The following SQLE variants were observed in gnomAD, a reference collection of about 807,000 sequenced individuals.
SQLE encodes squalene monooxygenase.
Under a neutral mutation model 60.7 loss-of-function variants are expected in SQLE, and 29 were observed. That is an observed-to-expected ratio of 0.48 (90% CI 0.36 to 0.65). The LOEUF (loss-of-function observed/expected upper bound fraction) is 0.65, where lower values mean the gene tolerates loss of function less well. Ranked by LOEUF, SQLE falls within the 30% of genes least tolerant of loss-of-function variation. The probability of loss-of-function intolerance (pLI) is 0.00; values close to 1 mark genes in which losing one functional copy is unlikely to be tolerated. For missense variants in SQLE, 605 were observed against 684.1 expected, an observed-to-expected ratio of 0.88 and a Z score of 1.29; for synonymous variants, 237 against 246.8, an observed-to-expected ratio of 0.96 and a Z score of 0.37.
In SQLE at chr8:125,018,181, G is replaced by C; in HGVS notation, c.1327G>C (p.Asp443His). 6 of 1,605,220 alleles carry C rather than the reference G, an allele frequency of 3.7e-6. No individual in the cohort carries two copies. Among genetic ancestry groups the C allele is most frequent in the Non-Finnish European group, 5.1e-6 (6 of 1,177,854 alleles). The change falls in exon 8 of 11, where the codon GAT becomes CAT. Residue 443 changes from aspartate (D) to histidine (H), a missense_variant. Coordinates refer to ENST00000265896, the MANE Select transcript of SQLE (RefSeq NM_003129.4). ...KLLKGIPDLY[D>H]DAAIFEAKKS... ...GCTAAAGGGTATCCCTGACCTTTAT[G>C]ATGATGCAGCTATTTTCGAGGTAAG... is the stretch of plus-strand genomic sequence containing the variant.
intron 10 of SQLE, 126 bp downstream of exon 10, chr8:125,020,997 G>A: frequency 1.5e-6 from 1 of 669,834 alleles, no homozygotes; most frequent in South Asian, 1.8e-5. Context: ...GTATCCCAAT[G>A]AGAAGGTGGC....
chr8:125,001,436 G>GCT (rs1407921773), intron 1 of SQLE, among the ~76,000 whole-genome samples: 2 of 148,258 alleles, frequency 1.3e-5, no homozygotes, highest in Non-Finnish European at 3.0e-5. Flanking sequence ...TTCCTCCAGA[G>GCT]CTCTCCTTTC....
In SQLE at chr8:124,999,494, T is replaced by C; in HGVS notation, c.91T>C (p.Cys31Arg). The C allele has an allele frequency of 1.2e-6, 2 of 1,603,966 alleles. No individual in the cohort carries two copies. The highest frequency in any genetic ancestry group is 2.2e-5 in the East Asian group (1 of 44,550). ...TTTGGCCAACAGGGAGGTCCTGTTG[T>C]GCGTGCTGGTGTTCCTCTCGCTGGG... The part of the protein sequence containing the change: ...ITLANREVLL[C>R]VLVFLSLGLV... The change falls in exon 1 of 11, where the codon TGC becomes CGC. Residue 31 changes from cysteine to arginine, a missense_variant. By Grantham distance (180) the Cys-to-Arg change is radical (BLOSUM62 -3). Transcript: ENST00000265896.
At chr8:125,001,449 G>GGTGTGTGTGTGTGTGT (rs57946751) in intron 1 of SQLE, among the ~76,000 whole-genome samples, 39 of 137,016 alleles carry the variant, frequency 2.8e-4, no homozygotes, top group South Asian at 2.2e-3. Flanking sequence ...CTCCTTTCAG[G>GGTGTGTGTGTGTGTGT]GTGTGTGTGT....
At chr8:125,000,778 A>G (rs1814831678) in intron 1 of SQLE, among the ~76,000 whole-genome samples, 1 of 152,160 alleles carries the variant, frequency 6.6e-6, no homozygotes, top group South Asian at 2.1e-4. Flanking sequence ...TAAAAAGAAC[A>G]TTGCAGTTGC....
chr8:125,010,818 A>G (rs149456715), intron 6 of SQLE: 1 of 151,580 alleles, frequency 6.6e-6, no homozygotes, highest in African/African-American at 2.4e-5. Context: ...ATTGGAGTAG[A>G]GTGCCCTGAA....
In SQLE at chr8:124,999,324, C is replaced by T. The variant is rs1814801798; in HGVS notation, c.-80C>T. ...CGGCTCTCCGTGCTCCTCTTGGTAC[C>T]TCATTTTGGGGAGAACCTTAAACCC... On this transcript the variant is annotated 5_prime_UTR_variant, in exon 1 of 11. Transcript: ENST00000265896. 2 of 1,376,384 alleles carry T rather than the reference C, an allele frequency of 1.5e-6. No individual in the cohort carries two copies. Among genetic ancestry groups the T allele is most frequent in the South Asian group, 1.9e-5 (1 of 52,796 alleles). 85.3% of individuals were successfully genotyped at this position (1,376,384 alleles called of 1,614,324 possible).
In SQLE at chr8:124,999,575, C is replaced by G. The variant is rs1563594425; in HGVS notation, c.172C>G (p.Gln58Glu). ...AAACGGGGGTCTCCTCGGGCGCCAG[C>G]AGAGCGGCTCCCAGTTCGCCCTCTT... is the stretch of plus-strand genomic sequence containing the variant. ...HRNGGLLGRQ[Q>E]SGSQFALFSD... is the part of the protein sequence containing the mutation. Residue 58 changes from glutamine (Q) to glutamate (E), a missense_variant, in exon 1 of 11, where the codon CAG becomes GAG. Physicochemically the swap from Gln to Glu is conservative, Grantham distance 29 (BLOSUM62 2). Transcript: ENST00000265896. 1.2e-6 allele frequency: 2 copies of G among 1,613,536 alleles called. No individual in the cohort carries two copies. Among genetic ancestry groups the G allele is most frequent in the Non-Finnish European group, 1.7e-6 (2 of 1,179,706 alleles).
At chr8:125,006,830 G>C (rs1234168152) in intron 3 of SQLE, among the ~76,000 whole-genome samples, 1 of 151,174 alleles carries the variant, frequency 6.6e-6, no homozygotes, top group South Asian at 2.1e-4. Context: ...TCAGCCTCCC[G>C]AGTAGCTGGG....
At position 125,009,088 on chromosome 8, in the gene SQLE, C is replaced by T. The variant is rs1180996952; in HGVS notation, c.936+4C>T. 1.3e-6 allele frequency: 2 copies of T among 1,587,594 alleles called. No individual in the cohort carries two copies. Among genetic ancestry groups the T allele is most frequent in the African/African-American group, 2.7e-5 (2 of 73,450 alleles). ...TTTTGTTGGCTTTCTTATGAAGGTA[C>T]TGTAGGAGTGTGTTATTGTAATTTC... On this transcript the variant is annotated splice_donor_region_variant and intron_variant, in intron 5 of 10. Coordinates refer to ENST00000265896, the MANE Select transcript of SQLE (RefSeq NM_003129.4).
Position 125,018,723 on chromosome 8 carries a change from A to G in SQLE, c.1440A>G (p.Thr480=), listed in dbSNP as rs763334812. The G allele has an allele frequency of 2.5e-6, 4 of 1,595,508 alleles. No homozygotes were observed. In the South Asian group the frequency reaches 4.6e-5, roughly 18 times the overall value. The part of the protein sequence containing the change: ...AQALYELFSA[T]DDSLHQLRKA... ...CTCTTTATGAATTATTTTCTGCCAC[A>G]GATGGTAAGTGTAGACACTTTTTAG... Residue 480 remains threonine, a synonymous_variant, in exon 9 of 11, where the codon ACA becomes ACG. Coordinates refer to ENST00000265896, the MANE Select transcript of SQLE (RefSeq NM_003129.4).
Position 124,999,547 on chromosome 8 carries a change from C to T in SQLE, c.144C>T (p.His48=). ...LGLVLSYRCR[H]RNGGLLGRQQ... Reference sequence around the variant, plus strand: ...TGGTGCTCTCCTACCGCTGTCGCCACCGAAACGGGGGTCTCCTCGGGCGCC... The same window carrying T: ...TGGTGCTCTCCTACCGCTGTCGCCATCGAAACGGGGGTCTCCTCGGGCGCC... The change falls in exon 1 of 11, where the codon CAC becomes CAT. Residue 48 remains histidine, a synonymous_variant. Transcript: ENST00000265896. The T allele has an allele frequency of 6.2e-7, 1 of 1,613,300 alleles. No individual in the cohort carries two copies. Among genetic ancestry groups the T allele is most frequent in the East Asian group, 2.2e-5 (1 of 44,846 alleles).
Position 124,998,633 on chromosome 8 carries a change from G to A in SQLE, c.-771G>A, listed in dbSNP as rs1283503581. On this transcript the variant is annotated 5_prime_UTR_variant, in exon 1 of 11. Coordinates refer to ENST00000265896, the MANE Select transcript of SQLE (RefSeq NM_003129.4). The stretch of plus-strand genomic sequence containing the variant: ...GAGGAAGCCGTCGGGAGCCGCCGCC[G>A]CCATCTGAGGGAGGTACCCTGGAAA... The A allele has an allele frequency of 2.9e-6, 2 of 680,158 alleles. No homozygotes were observed. Among genetic ancestry groups the A allele is most frequent in the Non-Finnish European group, 5.3e-6 (2 of 374,334 alleles). The allele number at this position is 680,158 out of a possible 1,614,324, so 42.1% of individuals were successfully genotyped here. A position where few individuals can be genotyped will look rare whatever the true frequency, so the allele number is the denominator to read the frequency against.
At position 125,003,224 on chromosome 8, in the gene SQLE, G is replaced by T; in HGVS notation, c.340G>T (p.Ala114Ser). 6.2e-7 allele frequency: 1 copy of T among 1,613,790 alleles called. No homozygotes were observed. Among genetic ancestry groups the T allele is most frequent in the African/African-American group, 1.3e-5 (1 of 74,974 alleles). ...ISETSLIGTAACTSTSSQNDP... is the reference protein window; with the variant it reads ...ISETSLIGTASCTSTSSQNDP... ...AGAAACAAGCTTAATAGGAACAGCT[G>T]CCTGTACATCAACATCTTCTCAGAA... The change falls in exon 2 of 11, where the codon GCC becomes TCC. Residue 114 changes from alanine (A) to serine (S), a missense_variant. By Grantham distance (99) the Ala-to-Ser change is moderately conservative. Coordinates refer to ENST00000265896, the MANE Select transcript of SQLE (RefSeq NM_003129.4).
At chr8:125,003,482 A>G in intron 2 of SQLE, 54 bp downstream of exon 2, 1 of 1,577,760 alleles carries the variant, frequency 6.3e-7, no homozygotes, top group Admixed American at 1.8e-5. Flanking sequence ...AGCACTCTTC[A>G]CTTAGACCAT....
rs957746353 is a variant in SQLE, at chr8:124,998,872, C to A, written c.-532C>A. On this transcript the variant is annotated 5_prime_UTR_variant, in exon 1 of 11. Coordinates refer to ENST00000265896, the MANE Select transcript of SQLE (RefSeq NM_003129.4). The stretch of plus-strand genomic sequence containing the variant: ...GTCCGCGGAAAAAGAAGCCTCTGAA[C>A]CCGCGCCGGCCCGCAGCCCCCGTGC... 217 of 389,210 alleles carry A rather than the reference C, an allele frequency of 5.6e-4. No homozygotes were observed. Among genetic ancestry groups the A allele is most frequent in the African/African-American group, 4.2e-3 (202 of 48,222 alleles). The allele number at this position is 389,210 out of a possible 1,614,324, so 24.1% of individuals were successfully genotyped here.
intron 6 of SQLE, among the ~76,000 whole-genome samples, chr8:125,009,777 G>A (rs1815011999): frequency 6.6e-6 from 1 of 150,712 alleles, no homozygotes; most frequent in South Asian, 2.1e-4. Flanking sequence ...TGGGCAACAA[G>A]AGCGAAACTC....
chr8:125,003,175 G>A lies in SQLE; in HGVS notation c.292-1G>A. 1 of 1,593,084 alleles carries A rather than the reference G, an allele frequency of 6.3e-7. No individual in the cohort carries two copies. Among genetic ancestry groups the A allele is most frequent in the Non-Finnish European group, 8.5e-7 (1 of 1,171,968 alleles). On this transcript the variant is annotated splice_acceptor_variant, in intron 1 of 10. Coordinates refer to ENST00000265896, the MANE Select transcript of SQLE (RefSeq NM_003129.4). LOFTEE classifies it high-confidence loss of function. ...TAGTTTACCTTTTTTTTTTTAAACA[G>A]CGCAGAAAAGGAACCAATATTTCAG... is the stretch of plus-strand genomic sequence containing the variant.
In SQLE at chr8:124,999,298, C is replaced by G; in HGVS notation, c.-106C>G. ...TGGGACACTGTTTACTGGAGTCTGG[C>G]CGGCTCTCCGTGCTCCTCTTGGTAC... On this transcript the variant is annotated 5_prime_UTR_variant, in exon 1 of 11. Transcript: ENST00000265896. 7.0e-6 allele frequency: 8 copies of G among 1,149,394 alleles called. No homozygotes were observed. In the South Asian group the frequency reaches 1.5e-4, roughly 22 times the overall value. 71.2% of individuals were successfully genotyped at this position (1,149,394 alleles called of 1,614,324 possible).
Sources: allele counts gnomAD v4.1 joint callset (sites outside exome capture counted in the v4.1 genomes callset), GRCh38; gene constraint gnomAD v4.1.1; transcripts MANE v1.5; gene names NCBI Gene and HGNC (gene_info 2026-07-23, HGNC 2026-07-21).